DAB1: variants seen among roughly 807,000 people sequenced by gnomAD.
DAB1 encodes DAB adaptor protein 1, also known as disabled homolog 1.
Under a neutral mutation model 64.6 loss-of-function variants are expected in DAB1, and 15 were observed. The ratio of observed to expected loss-of-function variants is 0.23; its 90% confidence interval spans 0.16 to 0.36. The LOEUF (loss-of-function observed/expected upper bound fraction) is 0.36, where lower values mean the gene tolerates loss of function less well. Among genes scored for constraint, DAB1 ranks in the 10% least tolerant of loss-of-function variants. The pLI is 1.00. For synonymous variants in DAB1, 235 were observed against 251.9 expected, an observed-to-expected ratio of 0.93 and a Z score of 0.64; for missense variants, 596 against 706.7, an observed-to-expected ratio of 0.84 and a Z score of 1.78.
At chr1:57,381,015 G>T (rs1356437762) in intron 1 of DAB1, among the ~76,000 whole-genome samples, 1 of 152,096 alleles carries the variant, frequency 6.6e-6, no homozygotes, top group Admixed American at 6.5e-5. Flanking sequence ...CAGAGAGAAG[G>T]AGTAAGGAGA....
chr1:57,496,187 C>T (rs1472674360), intron 7 of DAB1, among the ~76,000 whole-genome samples: 1 of 152,064 alleles, frequency 6.6e-6, no homozygotes, highest in African/African-American at 2.4e-5. Context: ...ATCAATAATG[C>T]CCTTGGGACT....
chr1:57,585,950 A>G (rs146422394), intron 7 of DAB1, among the ~76,000 whole-genome samples: 2 of 152,316 alleles, frequency 1.3e-5, no homozygotes, highest in African/African-American at 4.8e-5. Context: ...ACTTGGGCCA[A>G]CTGGGCTCCT....
chr1:57,417,602 T>C (rs1684586988), intron 1 of DAB1, among the ~76,000 whole-genome samples: 1 of 152,150 alleles, frequency 6.6e-6, no homozygotes, highest in Admixed American at 6.5e-5. Context: ...CTTTAACATA[T>C]CAGTAAATAC....
At chr1:58,317,311 G>T (rs1378378548) in intron 4 of DAB1, among the ~76,000 whole-genome samples, 3 of 152,168 alleles carry the variant, frequency 2.0e-5, no homozygotes, top group Non-Finnish European at 4.4e-5. Flanking sequence ...AAGATCTCAC[G>T]CCCTAAGCCT....
intron 3 of DAB1, among the ~76,000 whole-genome samples, chr1:58,399,870 C>T (rs1340991523): frequency 6.6e-6 from 1 of 152,040 alleles, no homozygotes; most frequent in East Asian, 1.9e-4. Flanking sequence ...AAATGCCAAA[C>T]CAAGATTTGT....
At chr1:57,054,712 T>G (rs1442919856) in intron 9 of DAB1, among the ~76,000 whole-genome samples, 2 of 152,084 alleles carry the variant, frequency 1.3e-5, no homozygotes, top group Non-Finnish European at 2.9e-5. Context: ...TCTCCTGACT[T>G]CGTGATCCAC....
rs574972787 is a variant in DAB1 at position 57,059,333 on chromosome 1, C to G, written c.723+3551G>C. Among the ~76,000 whole-genome samples, 3 of 152,242 alleles carry G rather than the reference C, an allele frequency of 2.0e-5. No individual in the cohort carries two copies. The South Asian group carries it at 6.2e-4, about 32-fold the overall frequency. Reference sequence around the variant, plus strand: ...TACACCCAGATCTCACTCTGAAGACCAGGCTCTGTGCAGACCTAAACCTGA... The same window carrying G: ...TACACCCAGATCTCACTCTGAAGACGAGGCTCTGTGCAGACCTAAACCTGA... On this transcript the variant is annotated intron_variant, in intron 9 of 14. Coordinates refer to ENST00000371236, the MANE Select transcript of DAB1 (RefSeq NM_001365792.1).
chr1:58,172,583 G>A (rs929998070), intron 4 of DAB1, among the ~76,000 whole-genome samples: 5 of 152,192 alleles, frequency 3.3e-5, no homozygotes, highest in Admixed American at 2.6e-4. Context: ...GGAACCAATT[G>A]AGCATGACTG....
intron 3 of DAB1, among the ~76,000 whole-genome samples, chr1:57,142,633 C>CACACACAT (rs1658725557): frequency 8.4e-6 from 1 of 118,414 alleles, no homozygotes; most frequent in African/African-American, 2.8e-5. Context: ...CACACACATA[C>CACACACAT]ACACACACAC....
chr1:58,043,523 C>T lies in DAB1; in HGVS notation n.387+106988G>A, dbSNP rs145078694. ...TCAATCTGATCCATCTGACAAAACT[C>T]TCTTCACCCATGACCCATGATGTCC... On this transcript the variant is annotated intron_variant and non_coding_transcript_variant, in intron 5 of 20. Transcript: ENST00000485760. Among the ~76,000 whole-genome samples, 145 of 152,322 alleles carry T rather than the reference C, an allele frequency of 9.5e-4. No homozygotes were observed. In the Middle Eastern group the frequency reaches 0.014, roughly 14 times the overall value.
At chr1:57,058,953 T>C (rs971603097) in intron 9 of DAB1, among the ~76,000 whole-genome samples, 1 of 152,268 alleles carries the variant, frequency 6.6e-6, no homozygotes, top group East Asian at 1.9e-4. Flanking sequence ...TAAGAGAAAA[T>C]GACAATCCAT....
In DAB1 at chr1:58,523,942, T is replaced by C. The variant is rs1008440558; in HGVS notation, n.107+3319A>G. 2.6e-5 allele frequency among the ~76,000 whole-genome samples: 4 copies of C among 152,082 alleles called. No homozygotes were observed. In the South Asian group the frequency reaches 6.2e-4, roughly 24 times the overall value. ...CTGGCAGCCTTTACTGGCAAGATAA[T>C]TCTTAACTTTAGGAACAAAGCATGG... On this transcript the variant is annotated intron_variant and non_coding_transcript_variant, in intron 2 of 20. Transcript: ENST00000485760.
intron 1 of DAB1, among the ~76,000 whole-genome samples, chr1:57,875,390 C>T (rs1176808492): frequency 1.3e-5 from 2 of 152,152 alleles, no homozygotes; most frequent in Non-Finnish European, 2.9e-5. Context: ...TTCTACCTTG[C>T]TCTACGACTC....
chr1:57,217,449 C>T (rs1279668773), intron 2 of DAB1, among the ~76,000 whole-genome samples: 2 of 151,982 alleles, frequency 1.3e-5, no homozygotes, highest in African/African-American at 2.4e-5. Flanking sequence ...CATTGAGCTA[C>T]CTCCAATTTG....
intron 3 of DAB1, among the ~76,000 whole-genome samples, chr1:58,452,778 C>T (rs541727371): frequency 6.6e-6 from 1 of 150,854 alleles, no homozygotes; most frequent in South Asian, 2.1e-4. Context: ...CGGTGAGCCA[C>T]GATTAAGCAA....
intron 4 of DAB1, among the ~76,000 whole-genome samples, chr1:57,115,172 T>G (rs1296939208): frequency 6.6e-6 from 1 of 152,090 alleles, no homozygotes; most frequent in East Asian, 1.9e-4. Flanking sequence ...CTCCAGTGAG[T>G]GTAGCATTGT....
At chr1:57,649,901 A>G (rs568634042) in intron 6 of DAB1, among the ~76,000 whole-genome samples, 41 of 152,332 alleles carry the variant, frequency 2.7e-4, no homozygotes, top group African/African-American at 9.6e-4. Flanking sequence ...GAATCAGGAT[A>G]CGTGTGTCTG....
chr1:58,544,910 T>C (rs762476069), intron 1 of DAB1, among the ~76,000 whole-genome samples: 8 of 152,198 alleles, frequency 5.3e-5, no homozygotes, highest in Non-Finnish European at 1.0e-4. Context: ...GCTAATTTTT[T>C]AATTTTTTTC....
At chr1:57,289,875 T>C (rs1317244377) in intron 2 of DAB1, among the ~76,000 whole-genome samples, 1 of 139,654 alleles carries the variant, frequency 7.2e-6, no homozygotes, top group Non-Finnish European at 1.6e-5. Flanking sequence ...GAGAAAGAAG[T>C]TGCTCATATT....
Sources: allele counts gnomAD v4.1 joint callset (sites outside exome capture counted in the v4.1 genomes callset), GRCh38; gene constraint gnomAD v4.1.1; transcripts MANE v1.5; gene names NCBI Gene and HGNC (gene_info 2026-07-23, HGNC 2026-07-21).